Variants in FILIP1L observed in about 807,000 individuals in gnomAD.
FILIP1L encodes filamin A-interacting protein 1-like.
A neutral mutation model predicts 96.6 loss-of-function variants in FILIP1L; 55 were observed. The observed-to-expected ratio is 0.57, with a 90% CI of 0.46 to 0.71. The LOEUF (loss-of-function observed/expected upper bound fraction) is 0.71, where lower values mean the gene tolerates loss of function less well. FILIP1L is among the 30% of genes least tolerant of loss of function. The pLI is 0.00. For synonymous variants in FILIP1L, 467 were observed against 473.9 expected, an observed-to-expected ratio of 0.99 and a Z score of 0.19; for missense variants, 1,304 against 1,321.2, an observed-to-expected ratio of 0.99 and a Z score of 0.20.
chr3:99,898,693 G>A, intron 4 of FILIP1L: 2 of 162,810 alleles, frequency 1.2e-5, no homozygotes, highest in South Asian at 2.5e-4. Context: ...TTGAACCCAG[G>A]AGGCAGAGAT....
intron 1 of FILIP1L, among the ~76,000 whole-genome samples, chr3:100,021,233 C>A (rs1306321673): frequency 1.3e-5 from 2 of 152,170 alleles, no homozygotes; most frequent in Non-Finnish European, 2.9e-5. Flanking sequence ...TTGGAAGTAG[C>A]TGAATTTCTA....
chr3:99,947,137 C>CAA (rs397829321), intron 1 of FILIP1L, among the ~76,000 whole-genome samples: 55,630 of 88,532 alleles, frequency 0.63, 18,016 homozygotes, highest in African/African-American at 0.75. Flanking sequence ...GACTCTGTCT[C>CAA]AAAAAAAAAA....
chr3:99,912,131 C>T (rs1706809599), intron 4 of FILIP1L, among the ~76,000 whole-genome samples: 1 of 152,126 alleles, frequency 6.6e-6, no homozygotes, highest in South Asian at 2.1e-4. Flanking sequence ...GTTATACATC[C>T]ATACTGACCT....
intron 1 of FILIP1L, among the ~76,000 whole-genome samples, chr3:100,061,394 T>G (rs1417382925): frequency 6.6e-6 from 1 of 152,162 alleles, no homozygotes; most frequent in Non-Finnish European, 1.5e-5. Context: ...GATTAAAACT[T>G]AAATGTTTGG....
At chr3:100,055,917 C>T (rs909928013) in intron 1 of FILIP1L, among the ~76,000 whole-genome samples, 1 of 152,108 alleles carries the variant, frequency 6.6e-6, no homozygotes, top group Non-Finnish European at 1.5e-5. Context: ...GTATAGTACC[C>T]TCATTTTTCT....
chr3:100,067,380 CTGGTGAAGGTTGTATATATAA>C (rs1658949958), intron 1 of FILIP1L, among the ~76,000 whole-genome samples: 1 of 152,124 alleles, frequency 6.6e-6, no homozygotes, highest in Non-Finnish European at 1.5e-5. Flanking sequence ...ACTAAGCACC[CTGGTGAAGGTTGTATATATAA>C]GAAAGGTGGA....
intron 1 of FILIP1L, among the ~76,000 whole-genome samples, chr3:100,002,011 C>T (rs1350269135): frequency 6.6e-6 from 1 of 152,190 alleles, no homozygotes; most frequent in Non-Finnish European, 1.5e-5. Context: ...GGAAATGCCC[C>T]TCTCTGGAGA....
At chr3:100,010,355 G>A (rs1298245833) in intron 1 of FILIP1L, among the ~76,000 whole-genome samples, 3 of 152,026 alleles carry the variant, frequency 2.0e-5, no homozygotes, top group Admixed American at 6.5e-5. Flanking sequence ...ATGTAACTGA[G>A]TATATTTACA....
intron 1 of FILIP1L, among the ~76,000 whole-genome samples, chr3:99,950,706 G>A (rs1459612722): frequency 2.6e-5 from 4 of 152,032 alleles, no homozygotes; most frequent in African/African-American, 7.3e-5. Flanking sequence ...CTCTTTACAC[G>A]TTTCATATAT....
chr3:99,850,956 C>T lies in FILIP1L; in HGVS notation c.720G>A (p.Leu240=), dbSNP rs1943663671. The change falls in exon 5 of 6, where the codon TTG becomes TTA. Residue 240 remains leucine, a synonymous_variant. Coordinates refer to ENST00000477258, the MANE Select transcript of FILIP1L (RefSeq NM_001387850.1). The part of the protein sequence containing the change: ...EELTKLKSFA[L]MVVDEQQRLT... The stretch of plus-strand genomic sequence containing the variant: ...GCCTTTGCTGTTCATCCACCACCAT[C>T]AAAGCAAAAGACTTCAGCTTGGTCA... 6.2e-7 allele frequency: 1 copy of T among 1,614,068 alleles called. No individual in the cohort carries two copies. Among genetic ancestry groups the T allele is most frequent in the Admixed American group, 1.7e-5 (1 of 60,008 alleles).
chr3:100,107,957 A>G (rs1024770063), intron 1 of FILIP1L, among the ~76,000 whole-genome samples: 3 of 151,630 alleles, frequency 2.0e-5, no homozygotes, highest in African/African-American at 4.8e-5. Context: ...CCTTTCTAAC[A>G]TCGGTCAAGA....
chr3:100,088,839 G>T (rs1217282415), intron 1 of FILIP1L, among the ~76,000 whole-genome samples: 1 of 151,886 alleles, frequency 6.6e-6, no homozygotes, highest in Non-Finnish European at 1.5e-5. Context: ...TTCTTTCTCT[G>T]GGTAGTATTT....
chr3:99,905,354 G>A (rs1277222924), intron 4 of FILIP1L, among the ~76,000 whole-genome samples: 1 of 152,028 alleles, frequency 6.6e-6, no homozygotes, highest in East Asian at 1.9e-4. Flanking sequence ...CTCAACCACA[G>A]GATTCCAAAG....
At chr3:100,005,417 G>T (rs1009159215) in intron 1 of FILIP1L, among the ~76,000 whole-genome samples, 7 of 152,244 alleles carry the variant, frequency 4.6e-5, no homozygotes, top group African/African-American at 1.7e-4. Flanking sequence ...ATCTCCTTGG[G>T]TGCTTATTAA....
chr3:99,926,431 C>G (rs776778369), intron 3 of FILIP1L, among the ~76,000 whole-genome samples: 1 of 152,208 alleles, frequency 6.6e-6, no homozygotes, highest in African/African-American at 2.4e-5. Flanking sequence ...TGTTTCAAAC[C>G]ACTGCAGCCC....
intron 4 of FILIP1L, among the ~76,000 whole-genome samples, chr3:99,856,065 T>A (rs1293579859): frequency 6.6e-6 from 1 of 152,212 alleles, no homozygotes; most frequent in Non-Finnish European, 1.5e-5. Context: ...CCATCCATTG[T>A]TTGGTTCTGA....
chr3:99,956,155 A>C (rs974129789), intron 1 of FILIP1L, among the ~76,000 whole-genome samples: 19 of 152,024 alleles, frequency 1.2e-4, no homozygotes, highest in Admixed American at 2.6e-4. Context: ...CCAAAGCTTT[A>C]ACACTCTTTT....
intron 4 of FILIP1L, among the ~76,000 whole-genome samples, chr3:99,887,926 G>A (rs1705961741): frequency 6.6e-6 from 1 of 151,852 alleles, no homozygotes; most frequent in Non-Finnish European, 1.5e-5. Context: ...TTTCCATAAA[G>A]ATGGGGTTTT....
chr3:99,850,082 C>T lies in FILIP1L; in HGVS notation c.1594G>A (p.Val532Ile), dbSNP rs563640451. ...ATTAACTTCTCAGTAACTGTTGTTACTTTATTTTGCTCCACTTGAAGCTGA... is the reference window on the plus strand; with the variant it reads ...ATTAACTTCTCAGTAACTGTTGTTATTTTATTTTGCTCCACTTGAAGCTGA... Reference protein sequence around the residue: ...SSQLQVEQNKVTTVTEKLIEE... With the variant: ...SSQLQVEQNKITTVTEKLIEE... The change falls in exon 5 of 6, where the codon GTA becomes ATA. Residue 532 changes from valine (V) to isoleucine (I), a missense_variant. Physicochemically the swap from Val to Ile is conservative, Grantham distance 29 (BLOSUM62 3). Transcript: ENST00000477258. The T allele has an allele frequency of 6.2e-7, 1 of 1,612,894 alleles. No individual in the cohort carries two copies. Among genetic ancestry groups the T allele is most frequent in the Non-Finnish European group, 8.5e-7 (1 of 1,179,820 alleles).
Sources: gnomAD v4.1 joint callset for allele counts (sites outside exome capture counted in the v4.1 genomes callset) on GRCh38, gnomAD v4.1.1 for gene constraint, MANE v1.5 for transcripts, NCBI Gene and HGNC (gene_info 2026-07-23, HGNC 2026-07-21) for gene names.